Variants in CNTLN observed in about 807,000 individuals in gnomAD.
CNTLN encodes the protein centlein, centrosomal protein.
In CNTLN, 212 loss-of-function variants were observed where a neutral mutation model predicts 180.0. The ratio of observed to expected loss-of-function variants is 1.18; its 90% CI spans 1.05 to 1.32. CNTLN has a LOEUF of 1.32. Among genes scored for constraint, CNTLN ranks in the 40% most tolerant of loss-of-function variants. CNTLN has a pLI of 0.00. For synonymous variants in CNTLN, 722 were observed against 563.1 expected, an observed-to-expected ratio of 1.28 and a Z score of -3.99; for missense variants, 2,095 against 1,610.9, an observed-to-expected ratio of 1.30 and a Z score of -5.14.
At chr9:17,350,091 C>T (rs1822236140) in intron 12 of CNTLN, among the ~76,000 whole-genome samples, 1 of 152,212 alleles carries the variant, frequency 6.6e-6, no homozygotes, top group South Asian at 2.1e-4. Context: ...CATATGTTAA[C>T]ATTCTTCCAA....
intron 14 of CNTLN, among the ~76,000 whole-genome samples, chr9:17,392,603 A>G (rs1442984035): frequency 6.6e-6 from 1 of 152,182 alleles, no homozygotes; most frequent in Non-Finnish European, 1.5e-5. Flanking sequence ...AAAATTTTTC[A>G]GATACCTTTA....
chr9:17,256,649 A>T (rs1448367906), intron 5 of CNTLN, among the ~76,000 whole-genome samples: 4 of 151,750 alleles, frequency 2.6e-5, no homozygotes, highest in South Asian at 4.1e-4. Flanking sequence ...CAGAATGTGT[A>T]TTCAAATGAG....
intron 5 of CNTLN, among the ~76,000 whole-genome samples, chr9:17,258,427 G>T (rs1826681794): frequency 6.6e-6 from 1 of 151,300 alleles, no homozygotes; most frequent in Admixed American, 6.6e-5. Context: ...CTTCAGCTTT[G>T]TTCTTTTGGC....
At chr9:17,144,643 A>G (rs1818322705) in intron 2 of CNTLN, among the ~76,000 whole-genome samples, 1 of 151,580 alleles carries the variant, frequency 6.6e-6, no homozygotes, top group Non-Finnish European at 1.5e-5. Context: ...TATACAGAGT[A>G]TATATTCATA....
intron 18 of CNTLN, among the ~76,000 whole-genome samples, chr9:17,452,548 T>G (rs1226064367): frequency 6.6e-6 from 1 of 152,230 alleles, no homozygotes. Context: ...GTTTTGTTTC[T>G]TCATAGCACT....
intron 1 of CNTLN, among the ~76,000 whole-genome samples, chr9:17,140,673 C>T (rs1482410171): frequency 1.3e-5 from 2 of 152,122 alleles, no homozygotes; most frequent in Middle Eastern, 3.2e-3. Flanking sequence ...AACTCCTGGG[C>T]TCAGATGATC....
chr9:17,278,416 C>A (rs1003610254), intron 6 of CNTLN, among the ~76,000 whole-genome samples: 7 of 152,136 alleles, frequency 4.6e-5, no homozygotes, highest in African/African-American at 1.7e-4. Context: ...GAATTGACAT[C>A]TTTATGATGT....
intron 8 of CNTLN, among the ~76,000 whole-genome samples, chr9:17,319,913 G>C (rs1394611892): frequency 1.3e-5 from 2 of 152,154 alleles, no homozygotes; most frequent in African/African-American, 4.8e-5. Context: ...TTGGTTCATA[G>C]GGGATTGAAA....
At chr9:17,240,348 T>C (rs962546486) in intron 5 of CNTLN, among the ~76,000 whole-genome samples, 6 of 152,174 alleles carry the variant, frequency 3.9e-5, no homozygotes, top group African/African-American at 1.4e-4. Flanking sequence ...TCTGATTTTT[T>C]TTTTCTTAGT....
At chr9:17,284,442 T>C (rs998774466) in intron 6 of CNTLN, among the ~76,000 whole-genome samples, 1 of 152,098 alleles carries the variant, frequency 6.6e-6, no homozygotes, top group African/African-American at 2.4e-5. Flanking sequence ...TCAGAACTTG[T>C]TATTGGTCTA....
chr9:17,466,054 C>G lies in CNTLN; in HGVS notation c.3605C>G (p.Ala1202Gly), dbSNP rs769235370. The G allele has an allele frequency of 2.5e-6, 4 of 1,605,072 alleles. No individual in the cohort carries two copies. The South Asian group carries it at 4.4e-5, about 18-fold the overall frequency. The change falls in exon 22 of 26, where the codon GCT (alanine) becomes GGT (glycine). Residue 1202 changes from alanine to glycine, a missense_variant. Ala to Gly is a moderately conservative substitution (Grantham distance 60). Coordinates refer to ENST00000380647, the MANE Select transcript of CNTLN (RefSeq NM_017738.4). ...IDSLKQRLNV[A>G]VKEKSQYEQM... is the part of the protein sequence containing the mutation. ...TCACTAAAGCAAAGACTTAACGTTG[C>G]TGTAAAAGAAAAGTCACAGTATGAA...
At chr9:17,326,053 A>G (rs1820269236) in intron 8 of CNTLN, among the ~76,000 whole-genome samples, 1 of 152,028 alleles carries the variant, frequency 6.6e-6, no homozygotes, top group Non-Finnish European at 1.5e-5. Context: ...CCCTTCCCCC[A>G]TGCCTTCTAT....
intron 8 of CNTLN, among the ~76,000 whole-genome samples, chr9:17,320,346 A>T (rs1819821610): frequency 1.3e-5 from 2 of 152,170 alleles, no homozygotes; most frequent in Non-Finnish European, 2.9e-5. Context: ...AGCAACTGTC[A>T]CAAATAATCT....
At chr9:17,290,969 C>T (rs933168549) in intron 6 of CNTLN, among the ~76,000 whole-genome samples, 9 of 152,120 alleles carry the variant, frequency 5.9e-5, no homozygotes, top group African/African-American at 1.4e-4. Flanking sequence ...CACCCGTCTT[C>T]TGTGTCGCTC....
chr9:17,474,240 C>T (rs1832206467), intron 23 of CNTLN, among the ~76,000 whole-genome samples: 1 of 152,068 alleles, frequency 6.6e-6, no homozygotes. Context: ...GTCTAATAGG[C>T]ATCTCAAACT....
chr9:17,519,230 A>C, the CNTLN span, among the ~76,000 whole-genome samples: 1 of 144,658 alleles, frequency 6.9e-6, no homozygotes, highest in Non-Finnish European at 1.5e-5. Flanking sequence ...CCCAGCCACC[A>C]CTGAGATTTG....
At chr9:17,185,785 G>GTGTC (rs2131763552) in intron 2 of CNTLN, among the ~76,000 whole-genome samples, 1 of 151,956 alleles carries the variant, frequency 6.6e-6, no homozygotes, top group African/African-American at 2.4e-5. Context: ...GTGTGTGTGT[G>GTGTC]TGTGTGTGTG....
chr9:17,196,276 G>A (rs769865149), intron 2 of CNTLN, among the ~76,000 whole-genome samples: 14 of 151,942 alleles, frequency 9.2e-5, no homozygotes, highest in African/African-American at 1.9e-4. Flanking sequence ...CACCTGCCTC[G>A]GCCTCCCAAA....
intron 6 of CNTLN, among the ~76,000 whole-genome samples, chr9:17,285,077 A>C (rs1828897957): frequency 1.3e-5 from 2 of 150,856 alleles, no homozygotes; most frequent in South Asian, 2.1e-4. Flanking sequence ...ATATGTATAC[A>C]TGTGCCATGC....
Sources: allele counts gnomAD v4.1 joint callset (sites outside exome capture counted in the v4.1 genomes callset), GRCh38; gene constraint gnomAD v4.1.1; transcripts MANE v1.5; gene names NCBI Gene and HGNC (gene_info 2026-07-23, HGNC 2026-07-21).